SHROOM2: variants seen among roughly 807,000 people sequenced by gnomAD.
The protein encoded by SHROOM2 is protein Shroom2.
SHROOM2 carries 33 observed loss-of-function variants against 75.9 expected under a neutral mutation model. The ratio of observed to expected loss-of-function variants is 0.43; its 90% CI spans 0.33 to 0.58. SHROOM2 has a LOEUF of 0.58. Ranked by LOEUF, SHROOM2 falls within the 20% of genes least tolerant of loss-of-function variation. The probability of loss-of-function intolerance (pLI) is 0.04; values close to 1 mark genes in which losing one functional copy is unlikely to be tolerated. For synonymous variants in SHROOM2, 655 were observed against 663.6 expected, an observed-to-expected ratio of 0.99 and a Z score of 0.20; for missense variants, 1,434 against 1,461.2, an observed-to-expected ratio of 0.98 and a Z score of 0.30.
chrX:9,804,575 C>G (rs756136996), intron 1 of SHROOM2, among the ~76,000 whole-genome samples: 1 of 111,543 alleles, frequency 9.0e-6, no homozygotes, highest in Non-Finnish European at 1.9e-5. Context: ...TTATTTGTGG[C>G]CCTCTGGAAA....
chrX:9,833,789 G>A (rs1601934697), intron 1 of SHROOM2, among the ~76,000 whole-genome samples: 1 of 111,416 alleles, frequency 9.0e-6, no homozygotes, highest in Non-Finnish European at 1.9e-5. Flanking sequence ...AGAAAGTCTC[G>A]AGGGGCTTCA....
At chrX:9,837,238 C>T (rs1276450371) in intron 1 of SHROOM2, among the ~76,000 whole-genome samples, 1 of 112,541 alleles carries the variant, frequency 8.9e-6, no homozygotes, top group African/African-American at 3.2e-5. Context: ...TGTGGGGAGG[C>T]TGGTCGCATA....
intron 1 of SHROOM2, among the ~76,000 whole-genome samples, chrX:9,838,199 T>C (rs1325605216): frequency 9.2e-6 from 1 of 108,550 alleles, no homozygotes; most frequent in African/African-American, 3.4e-5. Flanking sequence ...TTGCTGGGAC[T>C]ACAGGTGCCC....
intron 1 of SHROOM2, among the ~76,000 whole-genome samples, chrX:9,830,725 C>G (rs1221861508): frequency 9.5e-6 from 1 of 104,771 alleles, no homozygotes; most frequent in Non-Finnish European, 1.9e-5. Flanking sequence ...CCTCAGCCTC[C>G]CGAGTAGCTG....
chrX:9,877,060 TTGTA>T (rs769612609), intron 2 of SHROOM2, among the ~76,000 whole-genome samples: 2 of 112,076 alleles, frequency 1.8e-5, no homozygotes, highest in African/African-American at 3.2e-5. Flanking sequence ...CATTTTATCT[TTGTA>T]TGTGTGGGGA....
intron 1 of SHROOM2, among the ~76,000 whole-genome samples, chrX:9,787,897 A>C (rs1874096928): frequency 9.0e-6 from 1 of 110,979 alleles, no homozygotes; most frequent in Non-Finnish European, 1.9e-5. Flanking sequence ...CTTTGGAAAC[A>C]TGGTGGACAG....
intron 5 of SHROOM2, among the ~76,000 whole-genome samples, chrX:9,920,969 G>C (rs952357771): frequency 8.9e-6 from 1 of 112,336 alleles, no homozygotes; most frequent in Admixed American, 9.5e-5. Context: ...CTTTCTGAGG[G>C]TTAGGGAGGA....
chrX:9,786,484 TC>T lies in SHROOM2; in HGVS notation c.-59del. 1 of 812,014 alleles carries T rather than the reference TC, an allele frequency of 1.2e-6. No homozygotes were observed. The highest frequency in any genetic ancestry group is 1.5e-6 in the Non-Finnish European group (1 of 665,434). 66.9% of individuals were successfully genotyped at this position (812,014 alleles called of 1,213,427 possible). A position where few individuals can be genotyped will look rare whatever the true frequency, so the allele number is the denominator to read the frequency against. ...GCGGCGCTCGGAGCCTCCCTTGCGA[TC>T]CCACGGCCGGGACTGCCCGGAGTGC... On this transcript the variant is annotated 5_prime_UTR_variant, in exon 1 of 10. Coordinates refer to ENST00000380913, the MANE Select transcript of SHROOM2 (RefSeq NM_001649.4).
intron 2 of SHROOM2, among the ~76,000 whole-genome samples, chrX:9,885,321 G>A (rs1222330272): frequency 9.1e-6 from 1 of 109,724 alleles, no homozygotes; most frequent in Non-Finnish European, 1.9e-5. Context: ...TCAGCCAGAG[G>A]GACCGGGAGT....
chrX:9,929,070 A>C (rs1411899266), intron 5 of SHROOM2, among the ~76,000 whole-genome samples: 1 of 112,835 alleles, frequency 8.9e-6, no homozygotes, highest in Non-Finnish European at 1.9e-5. Context: ...TCTGTGCGCA[A>C]GCACAACATG....
At chrX:9,917,535 T>TTGTTG (rs56120057) in intron 5 of SHROOM2, among the ~76,000 whole-genome samples, 2,407 of 102,332 alleles carry the variant, frequency 0.024, 34 homozygotes, top group African/African-American at 0.059. Context: ...TGTTGTTGTT[T>TTGTTG]TTTGAGATGG....
chrX:9,914,565 G>T (rs1308592259), intron 5 of SHROOM2, among the ~76,000 whole-genome samples: 4 of 110,938 alleles, frequency 3.6e-5, no homozygotes, highest in African/African-American at 1.3e-4. Context: ...AGACAGTCGG[G>T]TCATTTCTGG....
chrX:9,907,056 G>T, intron 5 of SHROOM2, among the ~76,000 whole-genome samples: 1 of 110,720 alleles, frequency 9.0e-6, no homozygotes, highest in Admixed American at 9.5e-5. Context: ...GGGGGGAGGC[G>T]GGCAGCATCC....
intron 1 of SHROOM2, among the ~76,000 whole-genome samples, chrX:9,804,866 C>T (rs113369747): frequency 9.0e-6 from 1 of 111,425 alleles, no homozygotes; most frequent in East Asian, 2.8e-4. Context: ...TGCATTATGC[C>T]GTGAGTTCCT....
chrX:9,916,015 T>TG (rs2084487810), intron 5 of SHROOM2, among the ~76,000 whole-genome samples: 1 of 112,708 alleles, frequency 8.9e-6, no homozygotes, highest in South Asian at 3.7e-4. Flanking sequence ...GCTTCACATA[T>TG]GTTTTTGAGA....
rs185866793 is a variant in SHROOM2, at chrX:9,861,205, C to T, written c.166-12447C>T. Among the ~76,000 whole-genome samples the T allele has an allele frequency of 1.5e-4, 17 of 112,193 alleles. 1 individual carries two copies. The highest frequency in any genetic ancestry group is 2.8e-4 in the East Asian group (1 of 3,590). ...TGTTAGAGATAGGGTCTCTCTCTGT[C>T]CCCCAGGCTGGAGTGCAGTTGTACG... is the stretch of plus-strand genomic sequence containing the variant. On this transcript the variant is annotated intron_variant, in intron 1 of 9. Transcript: ENST00000380913.
chrX:9,855,303 A>T (rs1472847775), intron 1 of SHROOM2, among the ~76,000 whole-genome samples: 5 of 103,965 alleles, frequency 4.8e-5, no homozygotes, highest in Admixed American at 3.1e-4. Flanking sequence ...AGTAAAAAAA[A>T]AAAAAAAAAA....
At chrX:9,824,719 G>A (rs2083879341) in intron 1 of SHROOM2, among the ~76,000 whole-genome samples, 1 of 111,922 alleles carries the variant, frequency 8.9e-6, no homozygotes, top group African/African-American at 3.2e-5. Context: ...TCTGTAGCCC[G>A]CTGTGCTTCT....
chrX:9,881,029 G>T (rs977096938), intron 2 of SHROOM2, among the ~76,000 whole-genome samples: 4 of 111,694 alleles, frequency 3.6e-5, no homozygotes, highest in African/African-American at 1.3e-4. Context: ...GCATGTTTAA[G>T]GAGAGTGCTC....
Sources: allele counts gnomAD v4.1 joint callset (sites outside exome capture counted in the v4.1 genomes callset), GRCh38; gene constraint gnomAD v4.1.1; transcripts MANE v1.5; gene names NCBI Gene and HGNC (gene_info 2026-07-23, HGNC 2026-07-21).